The following ZNF676 variants were observed in gnomAD, a reference collection of about 807,000 sequenced individuals.
ZNF676 encodes the protein zinc finger protein 676.
In ZNF676, 4 loss-of-function variants were observed where a neutral mutation model predicts 6.0. The ratio of observed to expected loss-of-function variants is 0.67; its 90% CI spans 0.33 to 1.53. The LOEUF (loss-of-function observed/expected upper bound fraction) is 1.53. Ranked by LOEUF, ZNF676 falls within the 40% of genes most tolerant of loss-of-function variation. The pLI, the probability that ZNF676 is intolerant of heterozygous loss-of-function variation, is 0.06. For synonymous variants in ZNF676, 198 were observed against 223.1 expected (o/e 0.89, Z 1.00); for missense variants, 644 against 679.7 (o/e 0.95, Z 0.58).
chr19:22,255,279 T>G, the ZNF676 span, among the ~76,000 whole-genome samples: 1 of 152,130 alleles, frequency 6.6e-6, no homozygotes, highest in Admixed American at 6.5e-5. Context: ...TTGGCTGGGT[T>G]CATGTGGGAA....
chr19:22,189,515 C>CA (rs1568528394), intron 2 of ZNF676, among the ~76,000 whole-genome samples: 2 of 152,046 alleles, frequency 1.3e-5, no homozygotes, highest in Non-Finnish European at 2.9e-5. Flanking sequence ...CCAAAATTGA[C>CA]AAAAGGGACC....
chr19:22,207,626 C>G (rs1658016602), intron 1 of ZNF676, among the ~76,000 whole-genome samples: 1 of 152,054 alleles, frequency 6.6e-6, no homozygotes, highest in Non-Finnish European at 1.5e-5. Context: ...CAAAAAAGAG[C>G]CTGAATAGCC....
At chr19:22,205,546 AC>A (rs1568534205) in intron 1 of ZNF676, among the ~76,000 whole-genome samples, 1 of 152,190 alleles carries the variant, frequency 6.6e-6, no homozygotes, top group African/African-American at 2.4e-5. Context: ...AATGGCCTAC[AC>A]TTGAATAACT....
In ZNF676 at chr19:22,193,067, C is replaced by G; in HGVS notation, c.79G>C (p.Gly27Arg). 6.2e-7 allele frequency: 1 copy of G among 1,609,610 alleles called. No homozygotes were observed. The highest frequency in any genetic ancestry group is 1.1e-5 in the South Asian group (1 of 90,226). Residue 27 changes from glycine to arginine, a missense_variant, in exon 2 of 3, where the codon GGA becomes CGA. Physicochemically the swap from Gly to Arg is moderately radical, Grantham distance 125 (BLOSUM62 -2). This residue lies in a region of ZNF676 where 280 missense variants were observed against 269.3 expected (regional missense o/e 1.04). Transcript: ENST00000397121. Reference protein sequence around the residue: ...KPDLIIFLEQGKEPWNMKRHE... With the variant: ...KPDLIIFLEQRKEPWNMKRHE... ...CTCTTCATATTCCAGGGCTCTTTTC[C>G]TTGCTCCAGAAAAATGATCAGGTCT...
At chr19:22,238,172 C>T in the ZNF676 span, among the ~76,000 whole-genome samples, 1 of 152,164 alleles carries the variant, frequency 6.6e-6, no homozygotes, top group Non-Finnish European at 1.5e-5. Flanking sequence ...CTGCCTCAGC[C>T]TCCTGAGTAG....
chr19:22,190,664 T>TATATATATATAC (rs1157566142), intron 2 of ZNF676, among the ~76,000 whole-genome samples: 144 of 111,766 alleles, frequency 1.3e-3, no homozygotes, highest in Middle Eastern at 4.4e-3. Context: ...TATATATATA[T>TATATATATATAC]ACATACACAC....
chr19:22,251,582 G>T, the ZNF676 span, among the ~76,000 whole-genome samples: 2 of 152,092 alleles, frequency 1.3e-5, no homozygotes, highest in Non-Finnish European at 1.5e-5. Flanking sequence ...GATGTCAGGG[G>T]TTCGAGACCA....
the ZNF676 span, among the ~76,000 whole-genome samples, chr19:22,240,122 C>A: frequency 6.6e-6 from 1 of 152,256 alleles, no homozygotes; most frequent in Non-Finnish European, 1.5e-5. Context: ...TCACAATCCC[C>A]ACGGTATACA....
chr19:22,231,794 G>A, the ZNF676 span, among the ~76,000 whole-genome samples: 1 of 151,772 alleles, frequency 6.6e-6, no homozygotes, highest in African/African-American at 2.4e-5. Context: ...GTTGAGACGG[G>A]TTTTCACCAT....
At chr19:22,183,843 C>T (rs2023794888) in intron 2 of ZNF676, among the ~76,000 whole-genome samples, 1 of 151,868 alleles carries the variant, frequency 6.6e-6, no homozygotes, top group Admixed American at 6.6e-5. Flanking sequence ...ATGCACTTGA[C>T]AATGAAACTC....
intron 1 of ZNF676, among the ~76,000 whole-genome samples, chr19:22,213,499 G>A (rs190561865): frequency 6.6e-6 from 1 of 152,248 alleles, no homozygotes; most frequent in East Asian, 1.9e-4. Context: ...TCAGCCCCAG[G>A]GCATTCACCT....
intron 1 of ZNF676, among the ~76,000 whole-genome samples, chr19:22,214,976 G>A (rs981329239): frequency 4.9e-5 from 7 of 143,200 alleles, no homozygotes; most frequent in Non-Finnish European, 9.0e-5. Flanking sequence ...GGGAGGCGGA[G>A]CTTCCAGTGA....
the ZNF676 span, among the ~76,000 whole-genome samples, chr19:22,237,697 C>A: frequency 6.6e-6 from 1 of 152,146 alleles, no homozygotes; most frequent in Non-Finnish European, 1.5e-5. Flanking sequence ...TGGCAGCATG[C>A]ATCAGAAAGG....
chr19:22,253,814 G>A, the ZNF676 span, among the ~76,000 whole-genome samples: 1 of 152,090 alleles, frequency 6.6e-6, no homozygotes, highest in Admixed American at 6.6e-5. Flanking sequence ...GGTGGTATGT[G>A]CATATAAGAA....
intron 2 of ZNF676, among the ~76,000 whole-genome samples, chr19:22,188,265 A>T (rs539347690): frequency 1.3e-5 from 2 of 152,318 alleles, no homozygotes; most frequent in South Asian, 4.1e-4. Context: ...CAAAAACCAC[A>T]TGATTATCTC....
chr19:22,215,801 C>CG (rs141504820), upstream of ZNF676: 21 of 693,468 alleles, frequency 3.0e-5, no homozygotes, highest in South Asian at 1.5e-4. Flanking sequence ...GACCTGTCCC[C>CG]CCCCCCAGCT....
the ZNF676 span, among the ~76,000 whole-genome samples, chr19:22,248,081 A>AT: frequency 0.98 from 148,730 of 151,924 alleles, 72,875 homozygotes; most frequent in East Asian, 1. Context: ...CGAACTCATC[A>AT]TTTTTTTATG....
At chr19:22,234,862 G>C in the ZNF676 span, among the ~76,000 whole-genome samples, 3 of 151,868 alleles carry the variant, frequency 2.0e-5, no homozygotes, top group African/African-American at 7.3e-5. Flanking sequence ...GAACCTGGGA[G>C]GTGGAGGTTG....
At chr19:22,249,614 G>T in the ZNF676 span, among the ~76,000 whole-genome samples, 1 of 151,976 alleles carries the variant, frequency 6.6e-6, no homozygotes, top group East Asian at 1.9e-4. Context: ...GTTTCTCCAT[G>T]TTAGTCAGGC....
Sources: allele counts gnomAD v4.1 joint callset (sites outside exome capture counted in the v4.1 genomes callset), GRCh38; gene constraint gnomAD v4.1.1; regional missense constraint gnomAD v4.1.1; transcripts MANE v1.5; gene names NCBI Gene and HGNC (gene_info 2026-07-23, HGNC 2026-07-21).